The following PARP10 variants were observed in gnomAD, a reference collection of about 807,000 sequenced individuals.
PARP10 encodes protein mono-ADP-ribosyltransferase PARP10.
A neutral mutation model predicts 82.4 loss-of-function variants in PARP10; 56 were observed. The observed-to-expected ratio is 0.68, with a 90% CI of 0.55 to 0.85. The LOEUF (loss-of-function observed/expected upper bound fraction) is 0.85. PARP10 is among the 40% of genes least tolerant of loss of function. PARP10 has a pLI of 0.00. For synonymous variants in PARP10, 576 were observed against 601.1 expected (o/e 0.96, Z 0.61); for missense variants, 1,227 against 1,379.4 (o/e 0.89, Z 1.75).
upstream of PARP10, chr8:143,991,646 G>A: frequency 2.5e-6 from 4 of 1,592,384 alleles, no homozygotes; most frequent in Non-Finnish European, 3.4e-6. Context: ...GGAGGGCAGG[G>A]GGAGGTGCTT....
chr8:143,985,295 A>G lies in PARP10; in HGVS notation c.707T>C (p.Leu236Ser). 1.2e-6 allele frequency: 2 copies of G among 1,611,852 alleles called. No homozygotes were observed. The highest frequency in any genetic ancestry group is 1.7e-6 in the Non-Finnish European group (2 of 1,178,820). ...AERVLQQEHR[L>S]QGSELSLVPH... Reference sequence around the variant, plus strand: ...GACAAGGCTCAGCTCTGAGCCCTGCAACCGGTGCTCCTGCTGCAACACTCG... The same window carrying G: ...GACAAGGCTCAGCTCTGAGCCCTGCGACCGGTGCTCCTGCTGCAACACTCG... Residue 236 changes from leucine (L) to serine (S), a missense_variant, in exon 5 of 11, where the codon TTG (leucine) becomes TCG (serine). Coordinates refer to ENST00000313028, the MANE Select transcript of PARP10 (RefSeq NM_032789.5).
intron 1 of PARP10, among the ~76,000 whole-genome samples, chr8:144,003,530 G>A (rs1225830684): frequency 6.6e-6 from 1 of 152,030 alleles, no homozygotes; most frequent in Non-Finnish European, 1.5e-5. Flanking sequence ...CACAGGACTG[G>A]GACCCGGAGA....
intron 1 of PARP10, among the ~76,000 whole-genome samples, chr8:144,004,436 A>G (rs1469088516): frequency 6.6e-6 from 1 of 152,188 alleles, no homozygotes. Flanking sequence ...TGCCTACCAG[A>G]TGTCCTCTGA....
upstream of PARP10, chr8:143,989,389 G>GT (rs1198634114): frequency 1.6e-4 from 25 of 152,246 alleles, no homozygotes; most frequent in Admixed American, 7.2e-4. The surrounding 1 kb of genome is among the most constrained non-coding windows in gnomAD (Gnocchi z 4.3). Context: ...ACAAGACATC[G>GT]TATTTGTTAG....
chr8:143,983,409 C>T lies in PARP10; in HGVS notation c.2180G>A (p.Arg727Lys). 6.2e-7 allele frequency: 1 copy of T among 1,604,696 alleles called. No homozygotes were observed. The highest frequency in any genetic ancestry group is 8.5e-7 in the Non-Finnish European group (1 of 1,179,382). The stretch of plus-strand genomic sequence containing the variant: ...CTGGACGTGGACCTCCAAGGCAGCC[C>T]TGAGCGCCCGGTCCAGCTCCTCCAC... ...QDVEELDRALRAALEVHVQEE... is the reference protein window; with the variant it reads ...QDVEELDRALKAALEVHVQEE... The change falls in exon 8 of 11, where the codon AGG (arginine) becomes AAG (lysine). Residue 727 changes from arginine to lysine, a missense_variant. By Grantham distance (26) the Arg-to-Lys change is conservative. Transcript: ENST00000313028.
At chr8:144,007,861 T>C (rs1178835864) in intron 1 of PARP10, among the ~76,000 whole-genome samples, 1 of 152,176 alleles carries the variant, frequency 6.6e-6, no homozygotes. Flanking sequence ...CATGACTCAG[T>C]GGCCCCGCCT....
rs200680602 is a variant in PARP10 at position 143,986,135 on chromosome 8, C to T, written c.101G>A (p.Arg34His). The change falls in exon 2 of 11, where the codon CGC (arginine) becomes CAC (histidine). Residue 34 changes from arginine to histidine, a missense_variant. Transcript: ENST00000313028. Reference protein sequence around the residue: ...DELLTLYFENRRRSGGGPVLS... With the variant: ...DELLTLYFENHRRSGGGPVLS... ...CACAGGTCCCCCTCCAGAGCGTCGG[C>T]GGTTTTCAAAGTAGAGAGTGAGCAG... 299 of 1,614,002 alleles carry T rather than the reference C, an allele frequency of 1.9e-4. No individual in the cohort carries two copies. Among genetic ancestry groups the T allele is most frequent in the Middle Eastern group, 3.3e-4 (2 of 6,058 alleles).
rs1554748275 is a variant in PARP10, at chr8:143,983,518, G to C, written c.2071C>G (p.Pro691Ala). Residue 691 changes from proline to alanine, a missense_variant, in exon 8 of 11, where the codon CCC (proline) becomes GCC (alanine). Transcript: ENST00000313028. ...GGGGGCTCTTCTGCCTCCAACGGGG[G>C]CTGCTCCAGCAGGGAGAGGGTTAGG... Reference protein sequence around the residue: ...QALTLSLLEQPPLEAEEPPDG... With the variant: ...QALTLSLLEQAPLEAEEPPDG... The C allele has an allele frequency of 4.3e-5, 69 of 1,605,502 alleles. No individual in the cohort carries two copies. Among genetic ancestry groups the C allele is most frequent in the Non-Finnish European group, 5.8e-5 (68 of 1,176,546 alleles).
intron 1 of PARP10, among the ~76,000 whole-genome samples, chr8:144,005,023 A>G (rs1455906343): frequency 2.0e-5 from 3 of 152,102 alleles, no homozygotes; most frequent in African/African-American, 7.2e-5. Flanking sequence ...TTTTAAAAAT[A>G]CAAACATTAG....
In PARP10 at chr8:143,984,666, T is replaced by A. The variant is rs782019350; in HGVS notation, c.1336A>T (p.Met446Leu). Residue 446 changes from methionine to leucine, a missense_variant, in exon 5 of 11, where the codon ATG (methionine) becomes TTG (leucine). Met to Leu is a conservative substitution (Grantham distance 15). Transcript: ENST00000313028. ...KLAGQEGLVE[M>L]VLLMEPGAMR... ...GCCCCTGGCTCCATCAATAGCACCA[T>A]CTCCACCAGGCCCTCCTGCCCTGCC... The A allele has an allele frequency of 1.4e-5, 23 of 1,613,920 alleles. No homozygotes were observed. Among genetic ancestry groups the A allele is most frequent in the Admixed American group, 5.0e-5 (3 of 60,000 alleles).
chr8:143,982,916 CAG>C lies in PARP10; in HGVS notation c.2556+14_2556+15del, dbSNP rs1289172676. On this transcript the variant is annotated intron_variant, in intron 9 of 10. Transcript: ENST00000313028. Reference sequence around the variant, plus strand: ...CCAGGACGCCATGAGGCCAGAGAGACAGGGCATGGACTCACACGAACGACGCG... The same window carrying C: ...CCAGGACGCCATGAGGCCAGAGAGACGGCATGGACTCACACGAACGACGCG... 1 of 1,612,350 alleles carries C rather than the reference CAG, an allele frequency of 6.2e-7. No homozygotes were observed. Among genetic ancestry groups the C allele is most frequent in the East Asian group, 2.2e-5 (1 of 44,866 alleles).
chr8:143,994,181 A>G (rs1281552627), upstream of PARP10, among the ~76,000 whole-genome samples: 1 of 151,986 alleles, frequency 6.6e-6, no homozygotes, highest in African/African-American at 2.4e-5. Flanking sequence ...GCCCCTCCCC[A>G]CTGCCCAGTC....
chr8:143,981,293 G>A (rs889812300), intron 9 of PARP10, among the ~76,000 whole-genome samples: 3 of 150,016 alleles, frequency 2.0e-5, no homozygotes, highest in African/African-American at 7.3e-5. Flanking sequence ...TGGTGGCCAC[G>A]GTGGTGGTGG....
At chr8:143,991,549 T>C (rs1564257434), upstream of PARP10, 4 of 1,547,046 alleles carry the variant, frequency 2.6e-6, no homozygotes, top group Non-Finnish European at 3.5e-6. Flanking sequence ...CAGAGCCCCT[T>C]CCCCCCCAAC....
At position 144,011,546 on chromosome 8, in the gene PARP10, G is replaced by T. The variant is rs377022391; in HGVS notation, c.-80+984C>A. Among the ~76,000 whole-genome samples the T allele has an allele frequency of 1.8e-3, 272 of 152,288 alleles. 4 individuals are homozygous for T. The highest frequency in any genetic ancestry group is 3.4e-3 in the Middle Eastern group (1 of 294). On this transcript the variant is annotated intron_variant, in intron 1 of 3. Coordinates refer to the PARP10 transcript ENST00000530478. The surrounding 1 kb of genome is among the most constrained non-coding windows in gnomAD (Gnocchi z 4.5). Reference sequence around the variant, plus strand: ...AGAGGTTTGAGGGAGAACAGCCACAGAGCCAATGGAGGCCACGAGGACACG... The same window carrying T: ...AGAGGTTTGAGGGAGAACAGCCACATAGCCAATGGAGGCCACGAGGACACG...
chr8:144,011,713 G>C lies in PARP10; in HGVS notation c.-80+817C>G, dbSNP rs1834285444. 6.6e-6 allele frequency among the ~76,000 whole-genome samples: 1 copy of C among 152,148 alleles called. No homozygotes were observed. Among genetic ancestry groups the C allele is most frequent in the Admixed American group, 6.5e-5 (1 of 15,280 alleles). ...TTGGGCTCCTGAAGGACTAAAGTCAGGAAAATTCAAGGAGCTGGGGAATAG... is the reference window on the plus strand; with the variant it reads ...TTGGGCTCCTGAAGGACTAAAGTCACGAAAATTCAAGGAGCTGGGGAATAG... On this transcript the variant is annotated intron_variant, in intron 1 of 3. Coordinates refer to the PARP10 transcript ENST00000530478. The surrounding 1 kb of genome is among the most constrained non-coding windows in gnomAD (Gnocchi z 4.5).
In PARP10 at chr8:143,985,854, C is replaced by T. The variant is rs201239562; in HGVS notation, c.303G>A (p.Thr101=). The change falls in exon 3 of 11, where the codon ACG becomes ACA. Residue 101 remains threonine (T), a synonymous_variant. Transcript: ENST00000313028. ...LLLQGLPPGT[T]PQRLEQHVQA... Reference sequence around the variant, plus strand: ...GGACATGCTGCTCCAAGCGCTGGGGCGTGGTGCCAGGGGGCAGTCCTTGGA... The same window carrying T: ...GGACATGCTGCTCCAAGCGCTGGGGTGTGGTGCCAGGGGGCAGTCCTTGGA... 252 of 1,609,370 alleles carry T rather than the reference C, an allele frequency of 1.6e-4. 2 individuals are homozygous for T. In the East Asian group the frequency reaches 5.4e-3, roughly 35 times the overall value.
rs185902901 is a variant in PARP10, at chr8:144,011,119, C to T, written c.-80+1411G>A. ...GCTAGATTTTGACCAAACACCTGGACACTATAGCCTCACAAAATTGACACA... is the reference window on the plus strand; with the variant it reads ...GCTAGATTTTGACCAAACACCTGGATACTATAGCCTCACAAAATTGACACA... On this transcript the variant is annotated intron_variant, in intron 1 of 3. Coordinates refer to the PARP10 transcript ENST00000530478. This position sits in a 1 kb window ranked among gnomAD's most constrained non-coding sequence, Gnocchi z 4.5. Among the ~76,000 whole-genome samples, 6 of 152,048 alleles carry T rather than the reference C, an allele frequency of 3.9e-5. No homozygotes were observed. The highest frequency in any genetic ancestry group is 2.0e-4 in the Admixed American group (3 of 15,286).
intron 1 of PARP10, among the ~76,000 whole-genome samples, chr8:143,999,617 G>T (rs1834186769): frequency 6.6e-6 from 1 of 150,966 alleles, no homozygotes; most frequent in African/African-American, 2.4e-5. Context: ...CTCCTGAAGT[G>T]CTGGGATTAC....
Sources: gnomAD v4.1 joint callset for allele counts (sites outside exome capture counted in the v4.1 genomes callset) on GRCh38, gnomAD v4.1.1 for gene constraint, Gnocchi (gnomAD v3.1) non-coding constraint, MANE v1.5 for transcripts, NCBI Gene and HGNC (gene_info 2026-07-23, HGNC 2026-07-21) for gene names.